SLCO3A1: variants seen among roughly 807,000 people sequenced by gnomAD.
The protein encoded by SLCO3A1 is PGE1 transporter.
SLCO3A1 carries 27 observed loss-of-function variants against 63.1 expected under a neutral mutation model. The observed-to-expected ratio is 0.43, with a 90% CI of 0.32 to 0.59. The LOEUF (loss-of-function observed/expected upper bound fraction) is 0.59. Among genes scored for constraint, SLCO3A1 ranks in the 20% least tolerant of loss-of-function variants. The probability of loss-of-function intolerance (pLI) is 0.09; values close to 1 mark genes in which losing one functional copy is unlikely to be tolerated. For missense variants in SLCO3A1, 773 were observed against 945.8 expected, an observed-to-expected ratio of 0.82 and a Z score of 2.40; for synonymous variants, 473 against 409.9, an observed-to-expected ratio of 1.15 and a Z score of -1.86.
chr15:92,146,031 A>T (rs2048217687), intron 7 of SLCO3A1, among the ~76,000 whole-genome samples: 1 of 152,156 alleles, frequency 6.6e-6, no homozygotes, highest in Non-Finnish European at 1.5e-5. Flanking sequence ...GAGGGGATTT[A>T]TTTGACCCTC....
intron 4 of SLCO3A1, among the ~76,000 whole-genome samples, chr15:92,117,242 T>C (rs1442564321): frequency 3.3e-5 from 5 of 152,200 alleles, no homozygotes; most frequent in Admixed American, 3.3e-4. Context: ...GTGATAAAAC[T>C]GAAATCATCA....
chr15:92,098,483 G>T (rs1309315092), intron 3 of SLCO3A1, among the ~76,000 whole-genome samples: 1 of 152,188 alleles, frequency 6.6e-6, no homozygotes, highest in South Asian at 2.1e-4. Context: ...TAGGTTCTTT[G>T]TTAACTGAAA....
At chr15:92,090,655 C>T (rs1014810871) in intron 2 of SLCO3A1, among the ~76,000 whole-genome samples, 2 of 152,110 alleles carry the variant, frequency 1.3e-5, no homozygotes, top group Non-Finnish European at 2.9e-5. Context: ...CTGGGCCTGG[C>T]CTGCTCCCAG....
chr15:92,080,091 C>G (rs770189895), intron 2 of SLCO3A1, among the ~76,000 whole-genome samples: 68 of 152,374 alleles, frequency 4.5e-4, no homozygotes, highest in African/African-American at 1.6e-3. Flanking sequence ...ATGCCTCTTT[C>G]AGCTAGGTTG....
chr15:92,067,714 C>T (rs1193327979), intron 2 of SLCO3A1, among the ~76,000 whole-genome samples: 3 of 152,190 alleles, frequency 2.0e-5, no homozygotes, highest in African/African-American at 7.2e-5. Flanking sequence ...TTGTGGTTTC[C>T]CTTGTAGCTA....
In SLCO3A1 at chr15:92,056,139, G is replaced by T. The variant is rs75914295; in HGVS notation, c.647-38742G>T. Among the ~76,000 whole-genome samples the T allele has an allele frequency of 3.9e-3, 595 of 152,158 alleles. 2 individuals are homozygous for T. The highest frequency in any genetic ancestry group is 6.5e-3 in the African/African-American group (268 of 41,512). On this transcript the variant is annotated intron_variant, in intron 2 of 9. Coordinates refer to ENST00000318445, the MANE Select transcript of SLCO3A1 (RefSeq NM_013272.4). ...AGTAACACCTGGGGCTTGCAGGGGGGACTTGAAGTCATTTGAAGATGTATC... is the reference window on the plus strand; with the variant it reads ...AGTAACACCTGGGGCTTGCAGGGGGTACTTGAAGTCATTTGAAGATGTATC...
chr15:92,018,679 C>A (rs2046468750), intron 2 of SLCO3A1, among the ~76,000 whole-genome samples: 1 of 152,208 alleles, frequency 6.6e-6, no homozygotes, highest in Non-Finnish European at 1.5e-5. Context: ...TCCGTCGGGC[C>A]ACCAGGAGTG....
chr15:91,982,633 GAA>G (rs2046002115), intron 2 of SLCO3A1, among the ~76,000 whole-genome samples: 1 of 152,208 alleles, frequency 6.6e-6, no homozygotes, highest in African/African-American at 2.4e-5. Context: ...GAGTTTCTGA[GAA>G]AACACCTTGA....
intron 2 of SLCO3A1, among the ~76,000 whole-genome samples, chr15:91,938,482 G>GTTTTTTTTTTTTTTTTTTT (rs71156621): frequency 7.3e-6 from 1 of 136,250 alleles, no homozygotes; most frequent in African/African-American, 2.7e-5. Context: ...GGTTTTTTTT[G>GTTTTTTTTTTTTTTTTTTT]TTTTTTTTTT....
intron 2 of SLCO3A1, among the ~76,000 whole-genome samples, chr15:92,065,057 G>A (rs901554288): frequency 1.5e-5 from 2 of 130,794 alleles, no homozygotes; most frequent in African/African-American, 5.7e-5. Flanking sequence ...TAGATATACC[G>A]GTTACCCACG....
chr15:91,966,806 TG>T (rs1900677676), intron 2 of SLCO3A1, among the ~76,000 whole-genome samples: 1 of 152,172 alleles, frequency 6.6e-6, no homozygotes, highest in Admixed American at 6.6e-5. Context: ...GCACTGTTCG[TG>T]GAAAAAGGTG....
intron 2 of SLCO3A1, among the ~76,000 whole-genome samples, chr15:91,949,749 C>T (rs958987619): frequency 2.6e-5 from 4 of 152,118 alleles, no homozygotes; most frequent in African/African-American, 9.7e-5. Flanking sequence ...GTAGTCCCAG[C>T]TACTTGGGAG....
chr15:92,059,968 A>T (rs2047066868), intron 2 of SLCO3A1, among the ~76,000 whole-genome samples: 1 of 152,164 alleles, frequency 6.6e-6, no homozygotes, highest in Non-Finnish European at 1.5e-5. Context: ...TGTTGTTCCT[A>T]GGCTACAAAC....
chr15:92,097,024 C>G (rs74030474), intron 3 of SLCO3A1, among the ~76,000 whole-genome samples: 1,868 of 152,258 alleles, frequency 0.012, 24 homozygotes, highest in African/African-American at 0.042. Context: ...CAGCACAAGA[C>G]AGGGCCAGCA....
intron 2 of SLCO3A1, among the ~76,000 whole-genome samples, chr15:92,010,089 A>G (rs1215769730): frequency 6.6e-6 from 1 of 152,212 alleles, no homozygotes; most frequent in Non-Finnish European, 1.5e-5. Flanking sequence ...GAGCCCCTCT[A>G]GGATAAACTA....
At chr15:91,929,818 C>T (rs1360107002) in intron 2 of SLCO3A1, among the ~76,000 whole-genome samples, 3 of 152,124 alleles carry the variant, frequency 2.0e-5, no homozygotes, top group East Asian at 1.9e-4. Context: ...GTTTATTTCA[C>T]GTAGCAGGTT....
At chr15:91,891,541 G>T (rs774891971) in intron 1 of SLCO3A1, among the ~76,000 whole-genome samples, 59 of 152,140 alleles carry the variant, frequency 3.9e-4, no homozygotes, top group Non-Finnish European at 8.8e-5. Context: ...GGGGTTCTAG[G>T]TTAGCCCCTA....
At chr15:92,172,337 C>T (rs2048526238) in exon 11 of SLCO3A1, 1 of 154,600 alleles carries the variant, frequency 6.5e-6, no homozygotes, top group Non-Finnish European at 1.4e-5. Flanking sequence ...TGTATTTTTG[C>T]AGCGTTTATT....
intron 7 of SLCO3A1, among the ~76,000 whole-genome samples, chr15:92,142,341 G>T (rs1339024159): frequency 6.6e-6 from 1 of 152,188 alleles, no homozygotes. Context: ...TGGAGGCTGG[G>T]AAGTCCAATA....
Sources: allele counts gnomAD v4.1 joint callset (sites outside exome capture counted in the v4.1 genomes callset), GRCh38; gene constraint gnomAD v4.1.1; transcripts MANE v1.5; gene names NCBI Gene and HGNC (gene_info 2026-07-23, HGNC 2026-07-21).